Variants in LPAR1 observed in about 807,000 individuals in gnomAD.
LPAR1 encodes the protein lysophosphatidic acid receptor 1, also known as LPA receptor 1.
Under a neutral mutation model 23.8 loss-of-function variants are expected in LPAR1, and 5 were observed. The observed-to-expected ratio is 0.21, with a 90% CI of 0.11 to 0.44. The LOEUF (loss-of-function observed/expected upper bound fraction) is 0.44. Among genes scored for constraint, LPAR1 ranks in the 20% least tolerant of loss-of-function variants. LPAR1 has a pLI of 0.99. For missense variants in LPAR1, 311 were observed against 482.8 expected, an observed-to-expected ratio of 0.64 and a Z score of 3.33; for synonymous variants, 160 against 164.7, an observed-to-expected ratio of 0.97 and a Z score of 0.22.
chr9:110,971,133 T>C (rs190459982), intron 4 of LPAR1, among the ~76,000 whole-genome samples: 8 of 151,846 alleles, frequency 5.3e-5, no homozygotes, highest in African/African-American at 1.5e-4. Flanking sequence ...AGGCTCTCTC[T>C]CAAAAAAATA....
At chr9:110,885,503 C>T (rs1469911696) in intron 5 of LPAR1, among the ~76,000 whole-genome samples, 4 of 152,088 alleles carry the variant, frequency 2.6e-5, no homozygotes, top group African/African-American at 9.7e-5. Context: ...GAATAATGTT[C>T]CAAAAATATG....
intron 5 of LPAR1, among the ~76,000 whole-genome samples, chr9:110,904,009 G>A (rs1197022859): frequency 6.6e-6 from 1 of 151,820 alleles, no homozygotes; most frequent in African/African-American, 2.4e-5. Context: ...GAAGGAAAAG[G>A]TGCATTTTCC....
chr9:110,978,388 G>A (rs760662419), intron 2 of LPAR1, among the ~76,000 whole-genome samples: 2 of 152,110 alleles, frequency 1.3e-5, no homozygotes, highest in Non-Finnish European at 2.9e-5. Context: ...TAAAGCCTTC[G>A]TCTCCAAAAC....
rs533190903 is a variant in LPAR1 at position 110,943,505 on chromosome 9, C to T, written c.46-1337G>A. ...AGACTTTAATAGCTTTTAGATTATG[C>T]TTCAAATATTATACTTAATACATTG... On this transcript the variant is annotated intron_variant, in intron 4 of 5. Transcript: ENST00000683809. Among the ~76,000 whole-genome samples, 9 of 152,132 alleles carry T rather than the reference C, an allele frequency of 5.9e-5. No individual in the cohort carries two copies. The South Asian group carries it at 1.0e-3, about 18-fold the overall frequency.
At chr9:110,886,216 T>A (rs750147220) in intron 5 of LPAR1, among the ~76,000 whole-genome samples, 5 of 126,902 alleles carry the variant, frequency 3.9e-5, no homozygotes, top group Non-Finnish European at 1.7e-5. Context: ...AAAAAAAATT[T>A]AGCTGGGCGT....
chr9:110,972,147 C>T lies in LPAR1; in HGVS notation c.-30G>A, dbSNP rs201196219. On this transcript the variant is annotated 5_prime_UTR_variant, in exon 4 of 6. The change creates a new upstream start codon in the 5' untranslated region. Transcript: ENST00000683809. ...GCTCTGTGGTTGTAGGTGGTGAACACGCCCCAGAACTACGGGAGACAAATT... is the reference window on the plus strand; with the variant it reads ...GCTCTGTGGTTGTAGGTGGTGAACATGCCCCAGAACTACGGGAGACAAATT... 1.6e-5 allele frequency: 25 copies of T among 1,607,272 alleles called. No homozygotes were observed. Among genetic ancestry groups the T allele is most frequent in the Middle Eastern group, 1.7e-4 (1 of 6,044 alleles).
intron 5 of LPAR1, among the ~76,000 whole-genome samples, chr9:110,888,834 C>G (rs904765016): frequency 6.6e-6 from 1 of 151,976 alleles, no homozygotes; most frequent in Non-Finnish European, 1.5e-5. Context: ...AGACTGGATA[C>G]TGGAGAGAAT....
intron 2 of LPAR1, among the ~76,000 whole-genome samples, chr9:111,012,469 G>GCACA (rs3030186): frequency 8.8e-4 from 132 of 150,064 alleles, no homozygotes; most frequent in Non-Finnish European, 1.4e-3. Flanking sequence ...ACGCACGCGC[G>GCACA]CACACACACA....
At chr9:111,026,001 G>A (rs917520956) in intron 2 of LPAR1, among the ~76,000 whole-genome samples, 1 of 152,092 alleles carries the variant, frequency 6.6e-6, no homozygotes, top group Non-Finnish European at 1.5e-5. Context: ...GGACTGTCTT[G>A]GCTATACGGG....
intron 5 of LPAR1, among the ~76,000 whole-genome samples, chr9:110,880,178 C>G (rs952313706): frequency 6.6e-6 from 1 of 152,102 alleles, no homozygotes; most frequent in Non-Finnish European, 1.5e-5. Flanking sequence ...GGTTGTTCTT[C>G]CTTGAACAAG....
At chr9:110,930,131 T>C (rs1276844280) in intron 5 of LPAR1, among the ~76,000 whole-genome samples, 3 of 152,234 alleles carry the variant, frequency 2.0e-5, no homozygotes, top group Non-Finnish European at 2.9e-5. Flanking sequence ...TGTCGACTTT[T>C]CCTGGCAATG....
chr9:111,033,646 G>A (rs1251158356), intron 2 of LPAR1, among the ~76,000 whole-genome samples: 1 of 152,156 alleles, frequency 6.6e-6, no homozygotes, highest in South Asian at 2.1e-4. Flanking sequence ...CTCCCTCCTG[G>A]GTTCAAGTGA....
At chr9:110,976,040 C>T (rs764865280) in intron 2 of LPAR1, among the ~76,000 whole-genome samples, 1 of 152,168 alleles carries the variant, frequency 6.6e-6, no homozygotes, top group Non-Finnish European at 1.5e-5. Flanking sequence ...CAAAACTGCA[C>T]AAATCATGGG....
chr9:110,875,421 C>A lies in LPAR1; in HGVS notation c.1095G>T (p.Ter365TyrextTer4). Residue 365 changes from the stop codon to tyrosine (Y), a stop_lost, in exon 6 of 6, where the codon TAG becomes TAT. Coordinates refer to ENST00000683809, the MANE Select transcript of LPAR1 (RefSeq NM_001351411.2). ...CTGGTTCCTCATCTCAGTTTCCGTT[C>A]TAAACCACAGAGTGGTCATTGCTGT... ...GVHSNDHSVV* is the reference protein window; with the variant it reads ...GVHSNDHSVVY 6.2e-7 allele frequency: 1 copy of A among 1,606,266 alleles called. No homozygotes were observed. The highest frequency in any genetic ancestry group is 1.1e-5 in the South Asian group (1 of 90,724).
intron 5 of LPAR1, among the ~76,000 whole-genome samples, chr9:110,887,827 TG>T (rs2082823522): frequency 6.6e-6 from 1 of 152,214 alleles, no homozygotes; most frequent in Admixed American, 6.5e-5. Flanking sequence ...GTTCTAAAGC[TG>T]TCTAAATAAA....
At chr9:111,024,561 CATATATAT>C (rs1176363324) in intron 2 of LPAR1, among the ~76,000 whole-genome samples, 1 of 36,492 alleles carries the variant, frequency 2.7e-5, no homozygotes, top group Non-Finnish European at 6.9e-5. Context: ...TATACACACA[CATATATAT>C]ACACACACAC....
chr9:110,956,484 T>A (rs1370334539), intron 4 of LPAR1, among the ~76,000 whole-genome samples: 1 of 145,170 alleles, frequency 6.9e-6, no homozygotes, highest in Non-Finnish European at 1.5e-5. Context: ...AAATAGACTT[T>A]AAAAGACAAT....
chr9:111,007,150 G>GT (rs1217216459), intron 2 of LPAR1, among the ~76,000 whole-genome samples: 3 of 151,988 alleles, frequency 2.0e-5, no homozygotes, highest in African/African-American at 7.3e-5. Flanking sequence ...TGTAAATTTT[G>GT]TGAGGCCTCC....
intron 2 of LPAR1, among the ~76,000 whole-genome samples, chr9:111,025,098 G>A (rs534206839): frequency 4.5e-4 from 68 of 152,206 alleles, no homozygotes; most frequent in African/African-American, 1.4e-3. Flanking sequence ...TGGTATTTCT[G>A]GTTCTAGATC....
Sources: allele counts gnomAD v4.1 joint callset (sites outside exome capture counted in the v4.1 genomes callset), GRCh38; gene constraint gnomAD v4.1.1; transcripts MANE v1.5; gene names NCBI Gene and HGNC (gene_info 2026-07-23, HGNC 2026-07-21).